Variants in GRIN2A observed in about 807,000 individuals in gnomAD.
GRIN2A encodes the protein glutamate ionotropic receptor NMDA type subunit 2A.
A neutral mutation model predicts 113.4 loss-of-function variants in GRIN2A; 22 were observed. That is an observed-to-expected ratio of 0.19 (90% confidence interval 0.14 to 0.28). GRIN2A has a LOEUF of 0.28. GRIN2A is among the 10% of genes least tolerant of loss of function. GRIN2A has a pLI of 1.00. For synonymous variants in GRIN2A, 827 were observed against 738.4 expected, an observed-to-expected ratio of 1.12 and a Z score of -1.94; for missense variants, 1,502 against 1,887.0, an observed-to-expected ratio of 0.80 and a Z score of 3.78.
intron 3 of GRIN2A, among the ~76,000 whole-genome samples, chr16:9,922,903 T>G (rs2044384418): frequency 6.6e-6 from 1 of 152,204 alleles, no homozygotes; most frequent in Admixed American, 6.5e-5. Flanking sequence ...TTTTATGGCC[T>G]AGAATATGAT....
At chr16:9,968,099 C>T (rs1056929389) in intron 2 of GRIN2A, among the ~76,000 whole-genome samples, 1 of 152,036 alleles carries the variant, frequency 6.6e-6, no homozygotes, top group African/African-American at 2.4e-5. Context: ...TTCTTACTCC[C>T]ATTTTGCAGG....
chr16:9,948,811 G>A (rs2045091758), intron 2 of GRIN2A, among the ~76,000 whole-genome samples: 1 of 152,218 alleles, frequency 6.6e-6, no homozygotes, highest in African/African-American at 2.4e-5. Context: ...TCAGTCCTAT[G>A]GTGCCCATGG....
chr16:10,165,764 GGAGAGGAGAAGAGAA>G (rs1245140280), intron 2 of GRIN2A, among the ~76,000 whole-genome samples: 1 of 64,722 alleles, frequency 1.5e-5, no homozygotes, highest in African/African-American at 5.8e-5. Flanking sequence ...GGAGGGGAGG[GGAGAGGAGAAGAGAA>G]GAGAGGAGTG....
At position 10,012,669 on chromosome 16, in the gene GRIN2A, A is replaced by C. The variant is rs541377487; in HGVS notation, c.415-74118T>G. 7.2e-5 allele frequency among the ~76,000 whole-genome samples: 11 copies of C among 152,318 alleles called. No individual in the cohort carries two copies. The South Asian group carries it at 2.3e-3, about 32-fold the overall frequency. On this transcript the variant is annotated intron_variant, in intron 2 of 12. Coordinates refer to ENST00000330684, the MANE Select transcript of GRIN2A (RefSeq NM_001134407.3). Reference sequence around the variant, plus strand: ...AAAGATCTTGAGATGGGGAGAAAGGACATTTGAAAGTAGAGTCTGAGAAAG... The same window carrying C: ...AAAGATCTTGAGATGGGGAGAAAGGCCATTTGAAAGTAGAGTCTGAGAAAG...
At chr16:9,765,278 G>A (rs973863287) in intron 12 of GRIN2A, among the ~76,000 whole-genome samples, 4 of 152,130 alleles carry the variant, frequency 2.6e-5, no homozygotes, top group African/African-American at 9.7e-5. Context: ...AGATAACTGA[G>A]CCTCCCAGCA....
At position 9,938,392 on chromosome 16, in the gene GRIN2A, C is replaced by T. The variant is rs750915745; in HGVS notation, c.574G>A (p.Asp192Asn). The change falls in exon 3 of 13, where the codon GAC becomes AAC. Residue 192 changes from aspartate (D) to asparagine (N), a missense_variant. This residue lies in a region of GRIN2A where 334 missense variants were observed against 403.0 expected (regional missense o/e 0.83). Transcript: ENST00000330684. Reference sequence around the variant, plus strand: ...ATGTCCCAGCCCACAAAGCTGTTGTCCACTGTGGTCTTGACGAAGCTGATG... The same window carrying T: ...ATGTCCCAGCCCACAAAGCTGTTGTTCACTGTGGTCTTGACGAAGCTGATG... ...EFISFVKTTV[D>N]NSFVGWDMQN... is the part of the protein sequence containing the mutation. 2 of 1,613,984 alleles carry T rather than the reference C, an allele frequency of 1.2e-6. No individual in the cohort carries two copies. Among genetic ancestry groups the T allele is most frequent in the Admixed American group, 1.7e-5 (1 of 59,994 alleles).
intron 11 of GRIN2A, among the ~76,000 whole-genome samples, chr16:9,786,118 A>G (rs1902214294): frequency 6.6e-6 from 1 of 152,208 alleles, no homozygotes; most frequent in African/African-American, 2.4e-5. Context: ...TGATTAAAAC[A>G]CGTTTAGCAA....
chr16:10,179,893 CACTT>C, intron 2 of GRIN2A, 101 bp downstream of exon 2: 26 of 719,772 alleles, frequency 3.6e-5, no homozygotes, highest in Non-Finnish European at 4.1e-5. Flanking sequence ...CCCCCACCCC[CACTT>C]CACATCAAGA....
At position 10,036,454 on chromosome 16, in the gene GRIN2A, T is replaced by C. The variant is rs1018946834; in HGVS notation, c.415-97903A>G. On this transcript the variant is annotated intron_variant, in intron 2 of 12. Transcript: ENST00000330684. The stretch of plus-strand genomic sequence containing the variant: ...AGTACTTACTTTTTTTTTTTCTTTT[T>C]TTTTTTTTTTTTTTTTTTTTTTGAG... Among the ~76,000 whole-genome samples, 13 of 64,436 alleles carry C rather than the reference T, an allele frequency of 2.0e-4. No homozygotes were observed. In the East Asian group the frequency reaches 5.8e-3, roughly 29 times the overall value. The allele number at this position is 64,436 out of a possible 152,430, so 42.3% of individuals were successfully genotyped here.
intron 2 of GRIN2A, among the ~76,000 whole-genome samples, chr16:9,981,042 AAG>A (rs891116273): frequency 3.3e-5 from 5 of 151,060 alleles, no homozygotes; most frequent in East Asian, 1.9e-4. Flanking sequence ...GGAAAAAAAA[AAG>A]AGAGAGAGAG....
intron 2 of GRIN2A, among the ~76,000 whole-genome samples, chr16:10,147,455 C>CAAAAAAAAAAAAAAAAAAA (rs367830700): frequency 1.4e-5 from 1 of 72,942 alleles, no homozygotes; most frequent in Non-Finnish European, 2.3e-5. Flanking sequence ...ACTAAAAATA[C>CAAAAAAAAAAAAAAAAAAA]AAAAAAAAAA....
intron 4 of GRIN2A, among the ~76,000 whole-genome samples, chr16:9,890,620 T>C (rs2043674455): frequency 6.6e-6 from 1 of 152,256 alleles, no homozygotes; most frequent in Admixed American, 6.5e-5. Context: ...GCAATGACTA[T>C]GGTACACAAT....
chr16:10,132,355 A>T (rs1162198864), intron 2 of GRIN2A, among the ~76,000 whole-genome samples: 1 of 151,490 alleles, frequency 6.6e-6, no homozygotes, highest in Admixed American at 6.6e-5. Context: ...AAAAAAAAAA[A>T]AAAGATGTGA....
intron 2 of GRIN2A, among the ~76,000 whole-genome samples, chr16:9,957,001 T>C (rs2045325568): frequency 6.6e-6 from 1 of 152,212 alleles, no homozygotes; most frequent in South Asian, 2.1e-4. Flanking sequence ...TACCTTCCTC[T>C]GACCTCTCAG....
At chr16:10,072,476 C>T (rs555882292) in intron 2 of GRIN2A, among the ~76,000 whole-genome samples, 1 of 152,294 alleles carries the variant, frequency 6.6e-6, no homozygotes, top group African/African-American at 2.4e-5. Flanking sequence ...AAGCTGGGGT[C>T]CCATGCCCTG....
At chr16:9,785,869 A>G (rs910087450) in intron 11 of GRIN2A, among the ~76,000 whole-genome samples, 3 of 152,202 alleles carry the variant, frequency 2.0e-5, no homozygotes, top group Non-Finnish European at 4.4e-5. Context: ...GGCAAGGGCA[A>G]TAGAGCAGGA....
chr16:10,137,375 C>T lies in GRIN2A; in HGVS notation c.414+42623G>A, dbSNP rs190687142. Among the ~76,000 whole-genome samples the T allele has an allele frequency of 2.2e-3, 330 of 152,280 alleles. 3 individuals are homozygous for T. The highest frequency in any genetic ancestry group is 7.2e-3 in the African/African-American group (299 of 41,538). On this transcript the variant is annotated intron_variant, in intron 2 of 12. Coordinates refer to ENST00000330684, the MANE Select transcript of GRIN2A (RefSeq NM_001134407.3). ...CTGACTCTAAAGTCACATTCTTGCC[C>T]CCTACACATGCTGACAGGTGTTCCT...
intron 2 of GRIN2A, among the ~76,000 whole-genome samples, chr16:9,982,752 T>C (rs757498322): frequency 1.1e-4 from 17 of 152,206 alleles, no homozygotes; most frequent in Non-Finnish European, 2.2e-4. Context: ...CTTTGACCTG[T>C]AGTCTTTGGT....
chr16:9,806,771 G>T (rs2041976876), intron 10 of GRIN2A, among the ~76,000 whole-genome samples: 1 of 151,996 alleles, frequency 6.6e-6, no homozygotes, highest in African/African-American at 2.4e-5. Context: ...GAGAAAAAAG[G>T]GGGGAAAGAA....
Sources: gnomAD v4.1 joint callset for allele counts (sites outside exome capture counted in the v4.1 genomes callset) on GRCh38, gnomAD v4.1.1 for gene constraint, gnomAD v4.1.1 regional missense constraint, MANE v1.5 for transcripts, NCBI Gene and HGNC (gene_info 2026-07-23, HGNC 2026-07-21) for gene names.